Variants in GLMN observed in about 807,000 individuals in gnomAD.
GLMN encodes glomulin.
A neutral mutation model predicts 87.8 loss-of-function variants in GLMN; 75 were observed. The ratio of observed to expected loss-of-function variants is 0.85; its 90% CI spans 0.71 to 1.04. GLMN has a LOEUF of 1.04. GLMN is among the 50% of genes least tolerant of loss of function. The pLI, the probability that GLMN is intolerant of heterozygous loss-of-function variation, is 0.00. For missense variants in GLMN, 588 were observed against 658.8 expected, an observed-to-expected ratio of 0.89 and a Z score of 1.18; for synonymous variants, 206 against 221.6, an observed-to-expected ratio of 0.93 and a Z score of 0.63.
chr1:92,297,909 T>G, intron 2 of GLMN, 52 bp downstream of exon 2: 1 of 879,424 alleles, frequency 1.1e-6, no homozygotes, highest in South Asian at 1.4e-5. Context: ...AAACAATCTG[T>G]GCCCTTCCCA....
At chr1:92,276,981 G>C (rs562085650) in intron 7 of GLMN, among the ~76,000 whole-genome samples, 1 of 152,214 alleles carries the variant, frequency 6.6e-6, no homozygotes, top group African/African-American at 2.4e-5. Flanking sequence ...TTCTTGCTCT[G>C]TATTCTCTAT....
chr1:92,265,739 G>A (rs1655567739), intron 13 of GLMN, among the ~76,000 whole-genome samples: 1 of 152,116 alleles, frequency 6.6e-6, no homozygotes, highest in Non-Finnish European at 1.5e-5. Flanking sequence ...TCACACTGCT[G>A]CACCCGCCAA....
chr1:92,272,476 T>C (rs1656338900), intron 7 of GLMN, among the ~76,000 whole-genome samples: 1 of 152,230 alleles, frequency 6.6e-6, no homozygotes. Flanking sequence ...TTTAAAATGA[T>C]GAATTTTATG....
At chr1:92,301,537 ATTG>A, upstream of GLMN, 1 of 1,594,496 alleles carries the variant, frequency 6.3e-7, no homozygotes, top group Non-Finnish European at 8.5e-7. Flanking sequence ...AGCTCTACAT[ATTG>A]TTGAACAGCT....
intron 16 of GLMN, among the ~76,000 whole-genome samples, chr1:92,251,662 C>T (rs1653512967): frequency 6.6e-6 from 1 of 151,978 alleles, no homozygotes; most frequent in African/African-American, 2.4e-5. Flanking sequence ...GGAATATTTG[C>T]AAAAATATAA....
At chr1:92,309,561 A>G in the GLMN span, among the ~76,000 whole-genome samples, 1 of 79,926 alleles carries the variant, frequency 1.3e-5, no homozygotes, top group East Asian at 7.0e-4. Context: ...ACATACACAT[A>G]CACATACACA....
At chr1:92,365,452 G>A in the GLMN span, among the ~76,000 whole-genome samples, 1 of 152,144 alleles carries the variant, frequency 6.6e-6, no homozygotes, top group African/African-American at 2.4e-5. Context: ...GGTGGGGCAT[G>A]GGCATAAGAA....
At chr1:92,270,581 GCA>G (rs1180860516) in intron 8 of GLMN, among the ~76,000 whole-genome samples, 2 of 152,046 alleles carry the variant, frequency 1.3e-5, no homozygotes. Flanking sequence ...ATATATAAAT[GCA>G]CAAACTCACA....
At chr1:92,338,390 G>A in the GLMN span, among the ~76,000 whole-genome samples, 1 of 152,220 alleles carries the variant, frequency 6.6e-6, no homozygotes, top group Non-Finnish European at 1.5e-5. Context: ...TCTGCATGCT[G>A]TGTGTCCTGT....
chr1:92,261,575 T>G (rs1655047076), intron 16 of GLMN, among the ~76,000 whole-genome samples: 1 of 152,188 alleles, frequency 6.6e-6, no homozygotes. Flanking sequence ...GGAAGGGGTA[T>G]GAGGAACCTC....
upstream of GLMN, among the ~76,000 whole-genome samples, chr1:92,302,566 C>T (rs1189090870): frequency 2.8e-5 from 4 of 141,656 alleles, no homozygotes; most frequent in Non-Finnish European, 6.1e-5. Flanking sequence ...CAACATAAAA[C>T]GGGAGAATTA....
the GLMN span, among the ~76,000 whole-genome samples, chr1:92,338,032 T>C: frequency 5.9e-5 from 9 of 152,312 alleles, no homozygotes; most frequent in South Asian, 6.2e-4. Flanking sequence ...TCCTAAATAA[T>C]TGAAAGTTAT....
the GLMN span, chr1:92,345,964 T>C: frequency 7.8e-7 from 1 of 1,283,544 alleles, no homozygotes; most frequent in South Asian, 1.3e-5. Context: ...TGAAGCATAT[T>C]GATTAGGGAA....
Position 92,266,505 on chromosome 1 carries a change from AAAC to A in GLMN, c.1141-16_1141-14del. 6.9e-7 allele frequency: 1 copy of A among 1,457,754 alleles called. No homozygotes were observed. The highest frequency in any genetic ancestry group is 9.6e-7 in the Non-Finnish European group (1 of 1,040,928). 90.3% of individuals were successfully genotyped at this position (1,457,754 alleles called of 1,614,324 possible). On this transcript the variant is annotated splice_polypyrimidine_tract_variant and intron_variant, in intron 12 of 18. Coordinates refer to ENST00000370360, the MANE Select transcript of GLMN (RefSeq NM_053274.3). ...AACTCTTTTTCCTCTAAAATGGAAC[AAAC>A]AATATTATTATATAAAATGAATAAA...
the GLMN span, among the ~76,000 whole-genome samples, chr1:92,356,552 G>A: frequency 8.6e-5 from 13 of 150,400 alleles, no homozygotes; most frequent in Non-Finnish European, 8.9e-5. Flanking sequence ...CCAAGTAGCT[G>A]GGATTATAGG....
chr1:92,326,415 G>A, the GLMN span, among the ~76,000 whole-genome samples: 1 of 152,122 alleles, frequency 6.6e-6, no homozygotes, highest in African/African-American at 2.4e-5. Context: ...GTTGTTTAAT[G>A]TACTATTTTT....
chr1:92,292,241 TAG>T (rs1156999402), intron 3 of GLMN, among the ~76,000 whole-genome samples: 4 of 152,002 alleles, frequency 2.6e-5, no homozygotes, highest in Non-Finnish European at 5.9e-5. Flanking sequence ...ACTACCCTCC[TAG>T]AGTCCTTCTT....
chr1:92,289,002 C>G lies in GLMN; in HGVS notation c.544G>C (p.Glu182Gln), dbSNP rs1439819473. The G allele has an allele frequency of 1.9e-6, 3 of 1,612,348 alleles. No homozygotes were observed. The highest frequency in any genetic ancestry group is 2.5e-6 in the Non-Finnish European group (3 of 1,178,536). ...GLCQCCKALI[E>Q]FTKPFVEEVI... ...TCTTCCACAAAAGGCTTAGTGAACT[C>G]TATTAAGGCCTTGCAACACTGACAA... Residue 182 changes from glutamate (E) to glutamine (Q), a missense_variant, in exon 6 of 19, where the codon GAG (glutamate) becomes CAG (glutamine). Glu to Gln is a conservative substitution (Grantham distance 29). Coordinates refer to ENST00000370360, the MANE Select transcript of GLMN (RefSeq NM_053274.3).
At chr1:92,273,060 A>G (rs1039154118) in intron 7 of GLMN, among the ~76,000 whole-genome samples, 2 of 152,218 alleles carry the variant, frequency 1.3e-5, no homozygotes, top group Admixed American at 1.3e-4. Flanking sequence ...AGAATGAATA[A>G]CTTCCACACA....
Sources: gnomAD v4.1 joint callset for allele counts (sites outside exome capture counted in the v4.1 genomes callset) on GRCh38, gnomAD v4.1.1 for gene constraint, MANE v1.5 for transcripts, NCBI Gene and HGNC (gene_info 2026-07-23, HGNC 2026-07-21) for gene names.